The following MEI4 variants were observed in gnomAD, a reference collection of about 807,000 sequenced individuals.
The protein encoded by MEI4 is meiotic double-stranded break formation protein 4.
In MEI4, 27 loss-of-function variants were observed where a neutral mutation model predicts 31.4. That is an observed-to-expected ratio of 0.86 (90% CI 0.63 to 1.19). The LOEUF (loss-of-function observed/expected upper bound fraction) is 1.19. MEI4 is among the 50% of genes most tolerant of loss of function. The pLI, the probability that MEI4 is intolerant of heterozygous loss-of-function variation, is 0.00. For missense variants in MEI4, 329 were observed against 398.9 expected, an observed-to-expected ratio of 0.82 and a Z score of 1.49; for synonymous variants, 122 against 145.4, an observed-to-expected ratio of 0.84 and a Z score of 1.16.
At position 77,820,216 on chromosome 6, in the gene MEI4, C is replaced by T. The variant is rs531095001; in HGVS notation, c.769-8715C>T. Among the ~76,000 whole-genome samples the T allele has an allele frequency of 7.1e-4, 108 of 152,110 alleles. No individual in the cohort carries two copies. The highest frequency in any genetic ancestry group is 2.6e-3 in the African/African-American group (106 of 41,528). ...AAACAGACCTCTTCAGAATATCAAA[C>T]ACAAAGAGACTCCTGGGACTGGTTT... On this transcript the variant is annotated intron_variant, in intron 3 of 4. Transcript: ENST00000684080. This position sits in a 1 kb window ranked among gnomAD's most constrained non-coding sequence, Gnocchi z 4.5.
intron 2 of MEI4, among the ~76,000 whole-genome samples, chr6:77,745,138 A>G (rs1482305504): frequency 6.6e-6 from 1 of 152,212 alleles, no homozygotes; most frequent in Non-Finnish European, 1.5e-5. Flanking sequence ...TTAAATGTAA[A>G]TGGACTAAAT....
chr6:77,707,503 GAA>G (rs1002816455), intron 2 of MEI4, among the ~76,000 whole-genome samples: 2 of 152,220 alleles, frequency 1.3e-5, no homozygotes, highest in Non-Finnish European at 2.9e-5. Context: ...GTTAGACAAG[GAA>G]AGAGCGTTTT....
intron 1 of MEI4, among the ~76,000 whole-genome samples, chr6:77,686,569 A>C (rs1769058177): frequency 1.3e-5 from 2 of 152,036 alleles, no homozygotes; most frequent in Admixed American, 1.3e-4. Context: ...CATAACTTCA[A>C]ATATTTTCAA....
intron 2 of MEI4, among the ~76,000 whole-genome samples, chr6:77,747,373 A>ATT (rs1767640346): frequency 6.6e-6 from 1 of 152,176 alleles, no homozygotes; most frequent in Admixed American, 6.5e-5. Context: ...TACAAAGAAA[A>ATT]TAGATTTAAT....
chr6:77,714,515 G>C (rs1182365452), intron 2 of MEI4, among the ~76,000 whole-genome samples: 1 of 152,172 alleles, frequency 6.6e-6, no homozygotes, highest in Non-Finnish European at 1.5e-5. Context: ...TTTATTTGCA[G>C]TTCATAAACT....
At chr6:77,843,609 G>A (rs1398119320) in intron 4 of MEI4, among the ~76,000 whole-genome samples, 1 of 151,506 alleles carries the variant, frequency 6.6e-6, no homozygotes, top group African/African-American at 2.4e-5. Context: ...GTGCTAGAGG[G>A]TATAATCGGT....
At chr6:77,825,121 T>A (rs1769913879) in intron 3 of MEI4, among the ~76,000 whole-genome samples, 1 of 152,210 alleles carries the variant, frequency 6.6e-6, no homozygotes, top group African/African-American at 2.4e-5. Context: ...TGTGTATACA[T>A]CTTTAAACAA....
At chr6:77,785,409 T>G (rs1160102301) in intron 3 of MEI4, among the ~76,000 whole-genome samples, 2 of 152,128 alleles carry the variant, frequency 1.3e-5, no homozygotes, top group East Asian at 3.9e-4. Flanking sequence ...TACCATATTT[T>G]CCGTATTTGC....
At chr6:77,784,102 A>T (rs2127692311) in intron 3 of MEI4, among the ~76,000 whole-genome samples, 1 of 152,224 alleles carries the variant, frequency 6.6e-6, no homozygotes, top group Middle Eastern at 3.4e-3. Context: ...TGATGCATGA[A>T]TCCCAGCCAG....
At chr6:77,917,750 G>A (rs1766596643) in intron 4 of MEI4, among the ~76,000 whole-genome samples, 1 of 150,282 alleles carries the variant, frequency 6.7e-6, no homozygotes, top group Non-Finnish European at 1.5e-5. Flanking sequence ...TTCTTTTGCT[G>A]TGCAGAAGCT....
At chr6:77,913,332 C>T (rs1391774974) in intron 4 of MEI4, among the ~76,000 whole-genome samples, 1 of 152,062 alleles carries the variant, frequency 6.6e-6, no homozygotes, top group Non-Finnish European at 1.5e-5. Context: ...CACTCCTCTT[C>T]AGTTGTTTGG....
At chr6:77,821,241 T>C (rs1234081418) in intron 3 of MEI4, among the ~76,000 whole-genome samples, 1 of 152,196 alleles carries the variant, frequency 6.6e-6, no homozygotes, top group Non-Finnish European at 1.5e-5. Flanking sequence ...TCTTTGAAGG[T>C]CCAATTTTTA....
chr6:77,781,701 A>G (rs535109848), intron 3 of MEI4, among the ~76,000 whole-genome samples: 115 of 152,262 alleles, frequency 7.6e-4, no homozygotes, highest in African/African-American at 2.7e-3. Flanking sequence ...TCTATTTTAC[A>G]GATGAGGAAA....
chr6:77,756,983 C>A (rs1380173070), intron 2 of MEI4, among the ~76,000 whole-genome samples: 1 of 152,158 alleles, frequency 6.6e-6, no homozygotes. Flanking sequence ...TCAATGAACA[C>A]TATAATGGAA....
At chr6:77,678,554 A>ACAATGTTATAGCCCAGCACATTGCGTAC (rs58196034) in intron 1 of MEI4, among the ~76,000 whole-genome samples, 127,742 of 152,000 alleles carry the variant, frequency 0.84, 54,293 homozygotes, top group East Asian at 0.97. Flanking sequence ...AGGAGCCATC[A>ACAATGTTATAGCCCAGCACATTGCGTAC]ATGTTTGTGG....
chr6:77,819,316 G>A (rs1215290187), intron 3 of MEI4, among the ~76,000 whole-genome samples: 1 of 151,608 alleles, frequency 6.6e-6, no homozygotes, highest in Non-Finnish European at 1.5e-5. Context: ...CATAGTTTAT[G>A]GATTTTTTTC....
At chr6:77,897,681 G>A (rs946742965) in intron 4 of MEI4, among the ~76,000 whole-genome samples, 1 of 151,826 alleles carries the variant, frequency 6.6e-6, no homozygotes, top group Non-Finnish European at 1.5e-5. Flanking sequence ...TTTAGAACTA[G>A]TCTCATGGAT....
At chr6:77,859,779 A>T (rs6941246) in intron 4 of MEI4, among the ~76,000 whole-genome samples, 1,682 of 152,268 alleles carry the variant, frequency 0.011, 26 homozygotes, top group African/African-American at 0.038. Flanking sequence ...CGTACTCACA[A>T]ATGCATTTGA....
intron 3 of MEI4, among the ~76,000 whole-genome samples, chr6:77,761,932 C>G (rs1449942345): frequency 1.3e-5 from 2 of 152,142 alleles, no homozygotes; most frequent in African/African-American, 4.8e-5. Flanking sequence ...TTATCAGCAC[C>G]CTTGGATTCT....
Sources: gnomAD v4.1 joint callset for allele counts (sites outside exome capture counted in the v4.1 genomes callset) on GRCh38, gnomAD v4.1.1 for gene constraint, Gnocchi (gnomAD v3.1) non-coding constraint, MANE v1.5 for transcripts, NCBI Gene and HGNC (gene_info 2026-07-23, HGNC 2026-07-21) for gene names.